Variants in ARHGAP15 observed in about 807,000 individuals in gnomAD.
ARHGAP15 encodes the protein Rho GTPase activating protein 15.
Under a neutral mutation model 63.7 loss-of-function variants are expected in ARHGAP15, and 51 were observed. That is an observed-to-expected ratio of 0.80 (90% CI 0.64 to 1.01). ARHGAP15 has a LOEUF of 1.01. ARHGAP15 is among the 50% of genes least tolerant of loss of function. ARHGAP15 has a pLI of 0.00. For synonymous variants in ARHGAP15, 191 were observed against 193.8 expected (o/e 0.99, Z 0.12); for missense variants, 560 against 564.6 (o/e 0.99, Z 0.08).
intron 10 of ARHGAP15, among the ~76,000 whole-genome samples, chr2:143,533,657 TCTCA>T (rs1463768391): frequency 2.0e-5 from 3 of 152,022 alleles, no homozygotes; most frequent in Admixed American, 6.6e-5. Context: ...GAAAAGGGAG[TCTCA>T]CTGACACTTC....
chr2:143,695,551 G>T (rs1007658544), intron 12 of ARHGAP15, among the ~76,000 whole-genome samples: 1 of 152,058 alleles, frequency 6.6e-6, no homozygotes, highest in East Asian at 1.9e-4. Flanking sequence ...AAATTGATTG[G>T]ACCAAAGCAA....
chr2:143,622,081 C>T (rs1698665765), intron 11 of ARHGAP15, among the ~76,000 whole-genome samples: 2 of 152,012 alleles, frequency 1.3e-5, no homozygotes, highest in African/African-American at 4.8e-5. Context: ...AGTACTTATA[C>T]ATTTTCTAAA....
chr2:143,594,394 C>T (rs568789579), intron 11 of ARHGAP15, among the ~76,000 whole-genome samples: 1 of 152,300 alleles, frequency 6.6e-6, no homozygotes, highest in African/African-American at 2.4e-5. Context: ...AGAACTCATA[C>T]AGATTTACAG....
chr2:143,333,592 T>C (rs1004296731), intron 6 of ARHGAP15, among the ~76,000 whole-genome samples: 4 of 152,158 alleles, frequency 2.6e-5, no homozygotes, highest in African/African-American at 9.7e-5. Context: ...CAAAAGTAAA[T>C]ATACTGTAGC....
rs149911543 is a variant in ARHGAP15 at position 143,260,208 on chromosome 2, T to C, written c.474+9608T>C. 4.1e-3 allele frequency among the ~76,000 whole-genome samples: 628 copies of C among 152,288 alleles called. 2 individuals carry two copies. Among genetic ancestry groups the C allele is most frequent in the Middle Eastern group, 0.01 (3 of 294 alleles). On this transcript the variant is annotated intron_variant, in intron 6 of 13. Transcript: ENST00000295095. ...ATATTATTCAGTTCACATCGCACTT[T>C]TTGTTGAAAATAAAATAGTTAAAAT... is the stretch of plus-strand genomic sequence containing the variant.
intron 6 of ARHGAP15, among the ~76,000 whole-genome samples, chr2:143,327,919 A>AG (rs1349786365): frequency 5.1e-5 from 6 of 118,234 alleles, no homozygotes; most frequent in African/African-American, 2.4e-4. Flanking sequence ...AAAAAAAAAA[A>AG]ATCCAAAAAG....
intron 10 of ARHGAP15, among the ~76,000 whole-genome samples, chr2:143,528,066 C>T (rs10928183): frequency 0.27 from 40,797 of 151,924 alleles, 5,831 homozygotes; most frequent in African/African-American, 0.37. Flanking sequence ...TTATTTTCAT[C>T]GATTTTTGGA....
chr2:143,737,917 C>T (rs915083229), intron 13 of ARHGAP15, among the ~76,000 whole-genome samples: 4 of 152,008 alleles, frequency 2.6e-5, no homozygotes, highest in African/African-American at 7.2e-5. Flanking sequence ...CCACCACACC[C>T]GGCTAAATTT....
intron 6 of ARHGAP15, among the ~76,000 whole-genome samples, chr2:143,264,704 G>A (rs771590142): frequency 4.6e-5 from 7 of 151,982 alleles, no homozygotes; most frequent in African/African-American, 9.7e-5. Context: ...ATATTGGGCC[G>A]GTTTGTTACA....
intron 6 of ARHGAP15, among the ~76,000 whole-genome samples, chr2:143,294,892 T>C (rs1682570319): frequency 6.6e-6 from 1 of 152,106 alleles, no homozygotes; most frequent in East Asian, 1.9e-4. Context: ...AATTGAATTC[T>C]AAGCTAATGA....
intron 11 of ARHGAP15, among the ~76,000 whole-genome samples, chr2:143,558,490 A>G (rs1695898811): frequency 6.6e-6 from 1 of 152,162 alleles, no homozygotes. Flanking sequence ...TTTAATGCCA[A>G]CTTTTGGAAA....
chr2:143,362,952 C>T (rs1439929528), intron 6 of ARHGAP15, among the ~76,000 whole-genome samples: 8 of 152,166 alleles, frequency 5.3e-5, no homozygotes, highest in Non-Finnish European at 1.2e-4. Context: ...TTCTAACTCT[C>T]CTATCCTACC....
chr2:143,653,438 C>T (rs1355322924), intron 12 of ARHGAP15, among the ~76,000 whole-genome samples: 2 of 152,044 alleles, frequency 1.3e-5, no homozygotes, highest in East Asian at 1.9e-4. Flanking sequence ...ACTAGAAATT[C>T]AATTTCTCTA....
At chr2:143,136,887 C>G (rs1296338802) in intron 1 of ARHGAP15, among the ~76,000 whole-genome samples, 1 of 151,952 alleles carries the variant, frequency 6.6e-6, no homozygotes. Context: ...AGATATTAAG[C>G]AAGAGGTATA....
chr2:143,303,991 T>G (rs1234031451), intron 6 of ARHGAP15, among the ~76,000 whole-genome samples: 1 of 152,102 alleles, frequency 6.6e-6, no homozygotes, highest in Non-Finnish European at 1.5e-5. Flanking sequence ...TAGAAACACT[T>G]TTACACTGTT....
intron 9 of ARHGAP15, among the ~76,000 whole-genome samples, chr2:143,498,177 T>C (rs1327539603): frequency 6.6e-6 from 1 of 152,166 alleles, no homozygotes; most frequent in East Asian, 1.9e-4. Context: ...AAAACTTGCA[T>C]TATTTTATTT....
intron 11 of ARHGAP15, among the ~76,000 whole-genome samples, chr2:143,593,811 C>G (rs1017149166): frequency 3.9e-5 from 6 of 152,096 alleles, no homozygotes; most frequent in Non-Finnish European, 8.8e-5. Context: ...AAGTAAAGGT[C>G]TTTTAAACCA....
intron 6 of ARHGAP15, among the ~76,000 whole-genome samples, chr2:143,383,925 G>A (rs1020169914): frequency 1.8e-4 from 28 of 152,218 alleles, no homozygotes; most frequent in Admixed American, 3.9e-4. Flanking sequence ...AATATTTACA[G>A]CAATAAAGAA....
chr2:143,184,774 T>G (rs1398837374), intron 2 of ARHGAP15, among the ~76,000 whole-genome samples: 1 of 152,078 alleles, frequency 6.6e-6, no homozygotes, highest in Admixed American at 6.5e-5. Flanking sequence ...CTTGAACTCC[T>G]GGGCTCAAAC....
Sources: allele counts gnomAD v4.1 joint callset (sites outside exome capture counted in the v4.1 genomes callset), GRCh38; gene constraint gnomAD v4.1.1; transcripts MANE v1.5; gene names NCBI Gene and HGNC (gene_info 2026-07-23, HGNC 2026-07-21).